Variants in TCAIM observed in about 807,000 individuals in gnomAD.
The protein encoded by TCAIM is T cell activation inhibitor, mitochondrial, also known as T-cell activation inhibitor, mitochondrial.
In TCAIM, 36 loss-of-function variants were observed where a neutral mutation model predicts 58.6. That is an observed-to-expected ratio of 0.61 (90% CI 0.47 to 0.81). TCAIM has a LOEUF of 0.81. Ranked by LOEUF, TCAIM falls within the 30% of genes least tolerant of loss-of-function variation. TCAIM has a pLI of 0.00. For synonymous variants in TCAIM, 172 were observed against 193.6 expected, an observed-to-expected ratio of 0.89 and a Z score of 0.93; for missense variants, 466 against 579.6, an observed-to-expected ratio of 0.80 and a Z score of 2.01.
At position 44,358,115 on chromosome 3, in the gene TCAIM, T is replaced by C; in HGVS notation, c.165+239T>C. ...TTTAAACTCTTTAGAGTACTAGTAATCATGTTTTTGGTACCAATTTTTGAA... is the reference window on the plus strand; with the variant it reads ...TTTAAACTCTTTAGAGTACTAGTAACCATGTTTTTGGTACCAATTTTTGAA... On this transcript the variant is annotated intron_variant, in intron 3 of 10. Coordinates refer to ENST00000342649, the MANE Select transcript of TCAIM (RefSeq NM_173826.4). 4 of 1,456,106 alleles carry C rather than the reference T, an allele frequency of 2.7e-6. No homozygotes were observed. The South Asian group carries it at 5.8e-5, about 21-fold the overall frequency. 90.2% of individuals were successfully genotyped at this position (1,456,106 alleles called of 1,614,324 possible). A position where few individuals can be genotyped will look rare whatever the true frequency, so the allele number is the denominator to read the frequency against.
At chr3:44,359,942 ACTC>A (rs987153850) in intron 3 of TCAIM, 9 of 151,464 alleles carry the variant, frequency 5.9e-5, no homozygotes, top group African/African-American at 2.2e-4. Flanking sequence ...GTATTTATTG[ACTC>A]CTCCTTTGTG....
At chr3:44,356,523 A>G (rs1238198709) in intron 2 of TCAIM, among the ~76,000 whole-genome samples, 1 of 151,390 alleles carries the variant, frequency 6.6e-6, no homozygotes, top group African/African-American at 2.4e-5. Context: ...CTCTGTCTCA[A>G]AAAAAAAAGC....
intron 2 of TCAIM, among the ~76,000 whole-genome samples, chr3:44,357,232 G>A (rs1253026000): frequency 1.3e-5 from 2 of 151,778 alleles, no homozygotes; most frequent in African/African-American, 2.4e-5. Flanking sequence ...GTTGGGTGTG[G>A]TGGCACGTGC....
intron 10 of TCAIM, 96 bp from the exon 11 acceptor site, chr3:44,407,346 C>A: frequency 1.9e-6 from 2 of 1,058,024 alleles, no homozygotes; most frequent in Non-Finnish European, 1.3e-6. Flanking sequence ...ACAGTTAGGG[C>A]CCCAACATGT....
At chr3:44,386,209 CAAAAAAAAAAAA>C (rs10576012) in intron 5 of TCAIM, among the ~76,000 whole-genome samples, 2 of 54,990 alleles carry the variant, frequency 3.6e-5, no homozygotes, top group Admixed American at 4.7e-4. Flanking sequence ...CCAGAAGCTC[CAAAAAAAAAAAA>C]AAAAAAAAAA....
intron 1 of TCAIM, among the ~76,000 whole-genome samples, chr3:44,348,605 C>T (rs1375729088): frequency 1.3e-5 from 2 of 151,906 alleles, no homozygotes; most frequent in South Asian, 2.1e-4. Context: ...GTAATTGCAA[C>T]TCTTCTCTAT....
At chr3:44,396,860 ACTC>A in intron 8 of TCAIM, 26 bp downstream of exon 8, 1 of 1,593,336 alleles carries the variant, frequency 6.3e-7, no homozygotes, top group Non-Finnish European at 8.6e-7. Flanking sequence ...AAAATTAAAA[ACTC>A]CTTGTCATTC....
chr3:44,357,793 T>C lies in TCAIM; in HGVS notation c.82T>C (p.Ser28Pro). The C allele has an allele frequency of 6.2e-7, 1 of 1,614,190 alleles. No homozygotes were observed. Among genetic ancestry groups the C allele is most frequent in the South Asian group, 1.1e-5 (1 of 91,088 alleles). ...PHWFPFSRALSGAEAVNALRP... is the reference protein window; with the variant it reads ...PHWFPFSRALPGAEAVNALRP... ...CTGGTTTCCCTTTTCAAGAGCTTTA[T>C]CGGGAGCTGAAGCAGTCAATGCCTT... Residue 28 changes from serine to proline, a missense_variant, in exon 3 of 11, where the codon TCG becomes CCG. Coordinates refer to ENST00000342649, the MANE Select transcript of TCAIM (RefSeq NM_173826.4).
chr3:44,350,377 G>A (rs1701062338), intron 1 of TCAIM, among the ~76,000 whole-genome samples: 1 of 151,952 alleles, frequency 6.6e-6, no homozygotes, highest in South Asian at 2.1e-4. Context: ...TGCAGGCTTG[G>A]GCTCAGAGGC....
intron 1 of TCAIM, among the ~76,000 whole-genome samples, chr3:44,347,410 C>T (rs1700992679): frequency 6.6e-6 from 1 of 152,162 alleles, no homozygotes. Flanking sequence ...AGCAGTACAG[C>T]CCAGGTAAGT....
chr3:44,407,690 ATC>A lies in TCAIM; in HGVS notation c.*10_*11del. On this transcript the variant is annotated 3_prime_UTR_variant, in exon 11 of 11. Coordinates refer to ENST00000342649, the MANE Select transcript of TCAIM (RefSeq NM_173826.4). Reference sequence around the variant, plus strand: ...GGAGAAGCCATTAAGTAACACAGAAATCTGTTTTATTTTTTTAAGAGATAAGA... The same window carrying A: ...GGAGAAGCCATTAAGTAACACAGAAATGTTTTATTTTTTTAAGAGATAAGA... The A allele has an allele frequency of 6.4e-7, 1 of 1,565,482 alleles. No individual in the cohort carries two copies. Among genetic ancestry groups the A allele is most frequent in the Non-Finnish European group, 8.6e-7 (1 of 1,161,878 alleles).
chr3:44,353,317 A>G (rs1701130090), intron 1 of TCAIM, among the ~76,000 whole-genome samples: 1 of 152,160 alleles, frequency 6.6e-6, no homozygotes, highest in African/African-American at 2.4e-5. Flanking sequence ...CAGTTTATCC[A>G]TTTACTTACT....
At chr3:44,370,264 A>G (rs558684194) in intron 5 of TCAIM, among the ~76,000 whole-genome samples, 2 of 152,260 alleles carry the variant, frequency 1.3e-5, no homozygotes, top group South Asian at 4.1e-4. Flanking sequence ...GATCAAGACC[A>G]TCCTGGCTAA....
intron 5 of TCAIM, among the ~76,000 whole-genome samples, chr3:44,371,470 G>C (rs760203343): frequency 6.6e-6 from 1 of 152,158 alleles, no homozygotes. Flanking sequence ...AAAAAGTCCA[G>C]GTTGGGTAGG....
intron 6 of TCAIM, among the ~76,000 whole-genome samples, chr3:44,393,962 T>G (rs1013274711): frequency 6.6e-6 from 1 of 152,186 alleles, no homozygotes; most frequent in African/African-American, 2.4e-5. Context: ...CTTAAAACTG[T>G]AAGGAAGGGA....
chr3:44,396,446 A>T lies in TCAIM; in HGVS notation c.742A>T (p.Ser248Cys). The T allele has an allele frequency of 6.2e-7, 1 of 1,613,922 alleles. No homozygotes were observed. The highest frequency in any genetic ancestry group is 8.5e-7 in the Non-Finnish European group (1 of 1,179,996). The change falls in exon 7 of 11, where the codon AGT (serine) becomes TGT (cysteine). Residue 248 changes from serine to cysteine, a missense_variant. By Grantham distance (112) the Ser-to-Cys change is moderately radical. Transcript: ENST00000342649. Reference sequence around the variant, plus strand: ...CGCCCACCGCTGTAGCCAGCTGCATAGTTTAAGCCGCTTAGCACAGCAGAA... The same window carrying T: ...CGCCCACCGCTGTAGCCAGCTGCATTGTTTAAGCCGCTTAGCACAGCAGAA... ...GIAHRCSQLHSLSRLAQQNLE... is the reference protein window; with the variant it reads ...GIAHRCSQLHCLSRLAQQNLE...
At chr3:44,398,142 T>C (rs1007629800) in intron 8 of TCAIM, among the ~76,000 whole-genome samples, 2 of 152,130 alleles carry the variant, frequency 1.3e-5, no homozygotes, top group Non-Finnish European at 2.9e-5. Context: ...AACATGTTTA[T>C]TGGCCGGGCA....
intron 5 of TCAIM, among the ~76,000 whole-genome samples, chr3:44,371,114 G>A (rs908347799): frequency 2.0e-5 from 3 of 151,744 alleles, no homozygotes; most frequent in African/African-American, 7.3e-5. Flanking sequence ...GTTTCACCAT[G>A]TTGGCTAGAC....
intron 1 of TCAIM, chr3:44,339,590 A>T (rs1700811985): frequency 6.6e-6 from 1 of 152,210 alleles, no homozygotes; most frequent in South Asian, 2.1e-4. Flanking sequence ...TCACTTTATG[A>T]AACAGAAACT....
Sources: gnomAD v4.1 joint callset for allele counts (sites outside exome capture counted in the v4.1 genomes callset) on GRCh38, gnomAD v4.1.1 for gene constraint, MANE v1.5 for transcripts, NCBI Gene and HGNC (gene_info 2026-07-23, HGNC 2026-07-21) for gene names.